Variants in ROBO1 observed in about 807,000 individuals in gnomAD.
ROBO1 encodes the protein roundabout guidance receptor 1.
Under a neutral mutation model 195.9 loss-of-function variants are expected in ROBO1, and 149 were observed. That is an observed-to-expected ratio of 0.76 (90% CI 0.67 to 0.87). The LOEUF (loss-of-function observed/expected upper bound fraction) is 0.87, where lower values mean the gene tolerates loss of function less well. Among genes scored for constraint, ROBO1 ranks in the 40% least tolerant of loss-of-function variants. The pLI, the probability that ROBO1 is intolerant of heterozygous loss-of-function variation, is 0.00. For missense variants in ROBO1, 1,933 were observed against 2,068.3 expected (o/e 0.93, Z 1.27); for synonymous variants, 816 against 733.2 (o/e 1.11, Z -1.82).
chr3:79,744,644 G>C (rs1218773165), intron 1 of ROBO1, among the ~76,000 whole-genome samples: 1 of 152,120 alleles, frequency 6.6e-6, no homozygotes, highest in African/African-American at 2.4e-5. Flanking sequence ...ACTATGAGAA[G>C]TAAGCACTTA....
At position 79,676,256 on chromosome 3, in the gene ROBO1, T is replaced by G. The variant is rs1946780624; in HGVS notation, c.-50-86295A>C. Among the ~76,000 whole-genome samples, 3 of 152,088 alleles carry G rather than the reference T, an allele frequency of 2.0e-5. No homozygotes were observed. The East Asian group carries it at 5.8e-4, about 29-fold the overall frequency. ...AATAAGAATACCCATATTTCTCACT[T>G]TATAGAGTTGTTGAGAGAATTAATG... On this transcript the variant is annotated intron_variant, in intron 1 of 30. Transcript: ENST00000464233.
chr3:79,470,789 C>T (rs963774460), intron 2 of ROBO1, among the ~76,000 whole-genome samples: 5 of 152,090 alleles, frequency 3.3e-5, no homozygotes, highest in Non-Finnish European at 7.4e-5. Context: ...ATTCACCTTC[C>T]ACCATGAAGC....
rs1394247494 is a variant in ROBO1, at chr3:79,550,168, G to GAAAGAAAGAAAGAAAGAAAGA, written c.88+39655_88+39656insTCTTTCTTTCTTTCTTTCTTT. Among the ~76,000 whole-genome samples, 107 of 96,898 alleles carry GAAAGAAAGAAAGAAAGAAAGA rather than the reference G, an allele frequency of 1.1e-3. 5 individuals are homozygous for GAAAGAAAGAAAGAAAGAAAGA. The highest frequency in any genetic ancestry group is 8.1e-3 in the South Asian group (24 of 2,952). 63.6% of individuals were successfully genotyped at this position (96,898 alleles called of 152,430 possible). ...AAAAGAAAGGAAGAAAGAAAGAAAG[G>GAAAGAAAGAAAGAAAGAAAGA]AAGAAAGAAAGAAAGAAAGAAAGAA... On this transcript the variant is annotated intron_variant, in intron 2 of 30. Coordinates refer to ENST00000464233, the MANE Select transcript of ROBO1 (RefSeq NM_002941.4).
chr3:79,532,275 G>C (rs976704971), intron 2 of ROBO1, among the ~76,000 whole-genome samples: 1 of 152,098 alleles, frequency 6.6e-6, no homozygotes, highest in Non-Finnish European at 1.5e-5. Context: ...CTTATAGTTT[G>C]TCAGTAGGAA....
intron 2 of ROBO1, among the ~76,000 whole-genome samples, chr3:79,198,010 T>G (rs1436769054): frequency 6.6e-6 from 1 of 152,070 alleles, no homozygotes; most frequent in East Asian, 1.9e-4. Context: ...TGATAGTACT[T>G]TCTTTTGCTG....
intron 14 of ROBO1, among the ~76,000 whole-genome samples, chr3:78,662,556 A>C (rs901103525): frequency 6.6e-6 from 1 of 152,170 alleles, no homozygotes; most frequent in African/African-American, 2.4e-5. Flanking sequence ...AAGAAAGGAG[A>C]TATGGTTAGT....
intron 1 of ROBO1, among the ~76,000 whole-genome samples, chr3:79,675,405 T>C (rs1348297493): frequency 6.6e-6 from 1 of 152,024 alleles, no homozygotes; most frequent in Non-Finnish European, 1.5e-5. Context: ...CTGAAATTCA[T>C]AGATGATAAA....
At chr3:79,710,030 T>C (rs1379386404) in intron 1 of ROBO1, among the ~76,000 whole-genome samples, 1 of 152,120 alleles carries the variant, frequency 6.6e-6, no homozygotes, top group African/African-American at 2.4e-5. Context: ...AAATTTGTTA[T>C]AGCACTCTGA....
At chr3:79,621,552 TA>T (rs1945010266) in intron 1 of ROBO1, among the ~76,000 whole-genome samples, 1 of 152,180 alleles carries the variant, frequency 6.6e-6, no homozygotes, top group African/African-American at 2.4e-5. Context: ...CCTATCAGAT[TA>T]ACAGCGGACT....
intron 4 of ROBO1, among the ~76,000 whole-genome samples, chr3:78,876,759 A>G (rs1437016188): frequency 6.6e-6 from 1 of 152,222 alleles, no homozygotes; most frequent in African/African-American, 2.4e-5. Context: ...ACATCCTGGG[A>G]AAACTCTGCT....
intron 1 of ROBO1, among the ~76,000 whole-genome samples, chr3:79,727,280 T>A (rs1702962425): frequency 1.5e-5 from 2 of 136,316 alleles, no homozygotes. Context: ...GTCAGACATA[T>A]TTTTACTTTA....
chr3:78,931,162 A>T (rs1305193310), intron 4 of ROBO1, among the ~76,000 whole-genome samples: 1 of 152,060 alleles, frequency 6.6e-6, no homozygotes, highest in Non-Finnish European at 1.5e-5. Context: ...TTTTTGGACA[A>T]ACTATATTTT....
chr3:79,041,163 T>C (rs972521862), intron 3 of ROBO1, among the ~76,000 whole-genome samples: 1 of 152,158 alleles, frequency 6.6e-6, no homozygotes, highest in African/African-American at 2.4e-5. Flanking sequence ...GGGATATGCT[T>C]GGGGGAAGTC....
intron 2 of ROBO1, among the ~76,000 whole-genome samples, chr3:79,383,853 T>C (rs1334616592): frequency 6.6e-6 from 1 of 152,070 alleles, no homozygotes; most frequent in Non-Finnish European, 1.5e-5. Context: ...TGAACTGAGC[T>C]TTAGATCTTT....
intron 4 of ROBO1, among the ~76,000 whole-genome samples, chr3:78,811,908 T>TA (rs1559881289): frequency 6.6e-6 from 1 of 152,136 alleles, no homozygotes; most frequent in Non-Finnish European, 1.5e-5. Flanking sequence ...GTGTTCGCAT[T>TA]ATAGTCCTAA....
At chr3:79,302,858 T>C (rs1399261881) in intron 2 of ROBO1, among the ~76,000 whole-genome samples, 2 of 152,136 alleles carry the variant, frequency 1.3e-5, no homozygotes, top group East Asian at 3.8e-4. Flanking sequence ...TTAAGTGTGG[T>C]ATTCAGTTTG....
chr3:79,208,024 A>G (rs1042951766), intron 2 of ROBO1, among the ~76,000 whole-genome samples: 2 of 152,190 alleles, frequency 1.3e-5, no homozygotes, highest in Non-Finnish European at 2.9e-5. Flanking sequence ...ATTTGTAAAA[A>G]ATTAAATTAC....
At position 79,033,527 on chromosome 3, in the gene ROBO1, C is replaced by T. The variant is rs146291564; in HGVS notation, c.172+91929G>A. Among the ~76,000 whole-genome samples, 1,324 of 152,162 alleles carry T rather than the reference C, an allele frequency of 8.7e-3. 11 individuals carry two copies. The highest frequency in any genetic ancestry group is 0.011 in the Non-Finnish European group (778 of 67,950). On this transcript the variant is annotated intron_variant, in intron 3 of 30. Coordinates refer to ENST00000464233, the MANE Select transcript of ROBO1 (RefSeq NM_002941.4). ...ATAATGCCCCAAGGAATACAAAATGCATACAGCAATTAATCCACCTGGTTT... is the reference window on the plus strand; with the variant it reads ...ATAATGCCCCAAGGAATACAAAATGTATACAGCAATTAATCCACCTGGTTT...
chr3:78,698,986 C>A (rs1358017882), intron 8 of ROBO1, among the ~76,000 whole-genome samples: 1 of 152,180 alleles, frequency 6.6e-6, no homozygotes, highest in Non-Finnish European at 1.5e-5. Flanking sequence ...TCACCCAACA[C>A]ATATCTTAGG....
Sources: gnomAD v4.1 joint callset for allele counts (sites outside exome capture counted in the v4.1 genomes callset) on GRCh38, gnomAD v4.1.1 for gene constraint, MANE v1.5 for transcripts, NCBI Gene and HGNC (gene_info 2026-07-23, HGNC 2026-07-21) for gene names.